Variants in PCSK2 observed in about 807,000 individuals in gnomAD.
PCSK2 encodes the protein proprotein convertase subtilisin/kexin type 2, also known as neuroendocrine convertase 2.
In PCSK2, 14 loss-of-function variants were observed where a neutral mutation model predicts 69.7. The ratio of observed to expected loss-of-function variants is 0.20; its 90% confidence interval spans 0.13 to 0.31. PCSK2 has a LOEUF of 0.31. PCSK2 is among the 10% of genes least tolerant of loss of function. PCSK2 has a pLI of 1.00. For missense variants in PCSK2, 544 were observed against 842.5 expected, an observed-to-expected ratio of 0.65 and a Z score of 4.39; for synonymous variants, 307 against 320.7, an observed-to-expected ratio of 0.96 and a Z score of 0.46.
chr20:17,235,944 T>C (rs1188619697), intron 1 of PCSK2, among the ~76,000 whole-genome samples: 2 of 152,104 alleles, frequency 1.3e-5, no homozygotes, highest in South Asian at 2.1e-4. Context: ...CCTGATAATA[T>C]GAAAAATGTA....
chr20:17,394,373 A>G (rs1311034345), intron 5 of PCSK2, among the ~76,000 whole-genome samples: 4 of 152,164 alleles, frequency 2.6e-5, no homozygotes, highest in Admixed American at 2.0e-4. Flanking sequence ...CCACTTGGAG[A>G]GAACTGGAGG....
intron 7 of PCSK2, 138 bp from the exon 8 acceptor site, chr20:17,436,570 C>A: frequency 1.5e-6 from 1 of 662,088 alleles, no homozygotes; most frequent in East Asian, 2.7e-5. Context: ...TTCTTGATCC[C>A]TGGACTGCAC....
chr20:17,442,703 G>GA (rs2032622060), intron 8 of PCSK2, among the ~76,000 whole-genome samples: 1 of 152,216 alleles, frequency 6.6e-6, no homozygotes, highest in African/African-American at 2.4e-5. Flanking sequence ...GTGCTGTGCT[G>GA]AAATGCTCCC....
chr20:17,347,560 A>T (rs2123184797), intron 2 of PCSK2, among the ~76,000 whole-genome samples: 1 of 152,272 alleles, frequency 6.6e-6, no homozygotes, highest in South Asian at 2.1e-4. Context: ...AGGCAAAGGC[A>T]GAAAAGCTAG....
At chr20:17,389,200 A>G (rs937059219) in intron 5 of PCSK2, among the ~76,000 whole-genome samples, 44 of 151,410 alleles carry the variant, frequency 2.9e-4, no homozygotes, top group African/African-American at 1.1e-3. Context: ...AAATAAGACA[A>G]TCATAAAAAT....
At chr20:17,261,376 C>T (rs576272347) in intron 2 of PCSK2, among the ~76,000 whole-genome samples, 199 of 152,250 alleles carry the variant, frequency 1.3e-3, no homozygotes, top group African/African-American at 4.5e-3. Flanking sequence ...GTGAACATTT[C>T]CCTGGGTTTA....
chr20:17,332,062 A>G (rs1360677337), intron 2 of PCSK2, among the ~76,000 whole-genome samples: 1 of 152,222 alleles, frequency 6.6e-6, no homozygotes, highest in Non-Finnish European at 1.5e-5. Flanking sequence ...TTGTTAACTT[A>G]TTTAATTTCA....
chr20:17,246,676 A>G (rs1034031134), intron 1 of PCSK2, among the ~76,000 whole-genome samples: 7 of 152,042 alleles, frequency 4.6e-5, no homozygotes, highest in Non-Finnish European at 1.0e-4. Context: ...TCCATGGGGG[A>G]CGTGGTCCAA....
Position 17,264,858 on chromosome 20 carries a change from T to C in PCSK2, c.282+4514T>C, listed in dbSNP as rs1371077345. Among the ~76,000 whole-genome samples the C allele has an allele frequency of 4.2e-5, 3 of 72,194 alleles. No homozygotes were observed. The East Asian group carries it at 9.3e-4, about 22-fold the overall frequency. 47.4% of individuals were successfully genotyped at this position (72,194 alleles called of 152,430 possible). ...TTTTGGAAAGTCTATTTTCTTTTCT[T>C]TCTTTCTTTCTTTTTTTTTTCCTGA... On this transcript the variant is annotated intron_variant, in intron 2 of 11. Transcript: ENST00000262545.
At chr20:17,442,775 C>A (rs145094091) in intron 8 of PCSK2, among the ~76,000 whole-genome samples, 9 of 152,262 alleles carry the variant, frequency 5.9e-5, no homozygotes, top group Admixed American at 5.2e-4. Context: ...AAAAATAAAG[C>A]CCTTTTACGC....
At chr20:17,419,310 C>G (rs912658799) in intron 6 of PCSK2, among the ~76,000 whole-genome samples, 5 of 152,188 alleles carry the variant, frequency 3.3e-5, no homozygotes, top group African/African-American at 1.2e-4. Flanking sequence ...CGTATTTATT[C>G]TACTGTGAAC....
intron 2 of PCSK2, among the ~76,000 whole-genome samples, chr20:17,274,657 T>A (rs543808879): frequency 2.6e-5 from 4 of 152,164 alleles, no homozygotes; most frequent in South Asian, 2.1e-4. Flanking sequence ...CAGAAGTGGA[T>A]CTTTTAGCCC....
chr20:17,422,052 T>C (rs1002837265), intron 6 of PCSK2, among the ~76,000 whole-genome samples: 1 of 152,032 alleles, frequency 6.6e-6, no homozygotes, highest in Non-Finnish European at 1.5e-5. Context: ...TAAAGAAAAC[T>C]AAATGATGGT....
At chr20:17,232,173 T>C (rs761239883) in intron 1 of PCSK2, among the ~76,000 whole-genome samples, 2 of 152,204 alleles carry the variant, frequency 1.3e-5, no homozygotes, top group Non-Finnish European at 2.9e-5. Context: ...AAAAGGAAGA[T>C]GATTACATAG....
In PCSK2 at chr20:17,319,408, C is replaced by T. The variant is rs115871054; in HGVS notation, c.283-38919C>T. ...TCAGTAGGAGCCGATTGGTCTTGAACGGCCTCACTCACATTTCTGGTTTTA... is the reference window on the plus strand; with the variant it reads ...TCAGTAGGAGCCGATTGGTCTTGAATGGCCTCACTCACATTTCTGGTTTTA... On this transcript the variant is annotated intron_variant, in intron 2 of 11. Transcript: ENST00000262545. Among the ~76,000 whole-genome samples the T allele has an allele frequency of 1.2e-3, 190 of 152,242 alleles. 1 individual carries two copies. Among genetic ancestry groups the T allele is most frequent in the African/African-American group, 4.4e-3 (182 of 41,548 alleles).
At chr20:17,346,541 C>T (rs1051940856) in intron 2 of PCSK2, among the ~76,000 whole-genome samples, 4 of 152,208 alleles carry the variant, frequency 2.6e-5, no homozygotes, top group African/African-American at 9.6e-5. Flanking sequence ...CTACAATGTG[C>T]ATGGCCAAAG....
At chr20:17,369,341 A>G (rs1252407440) in intron 5 of PCSK2, 64 bp downstream of exon 5, 2 of 1,289,604 alleles carry the variant, frequency 1.6e-6, no homozygotes, top group Non-Finnish European at 2.3e-6. Context: ...GTCCCTGGCT[A>G]TTAGGAACAT....
chr20:17,232,101 G>A (rs149349799), intron 1 of PCSK2, among the ~76,000 whole-genome samples: 23 of 152,266 alleles, frequency 1.5e-4, no homozygotes, highest in Middle Eastern at 3.4e-3. Flanking sequence ...TCACCTTTGC[G>A]TAATCTAATC....
At position 17,456,432 on chromosome 20, in the gene PCSK2, C is replaced by T; in HGVS notation, c.1186C>T (p.Leu396=). The part of the protein sequence containing the change: ...AAPEAAGVFA[L]ALEANLGLTW... ...CCCCGAGGCAGCTGGTGTGTTTGCA[C>T]TGGCTCTGGAGGCTAAGTATGTTCA... Residue 396 remains leucine, a synonymous_variant, in exon 10 of 12, where the codon CTG becomes TTG. Transcript: ENST00000262545. 6.2e-7 allele frequency: 1 copy of T among 1,601,230 alleles called. No homozygotes were observed. The highest frequency in any genetic ancestry group is 2.2e-5 in the East Asian group (1 of 44,838).
Sources: allele counts gnomAD v4.1 joint callset (sites outside exome capture counted in the v4.1 genomes callset), GRCh38; gene constraint gnomAD v4.1.1; transcripts MANE v1.5; gene names NCBI Gene and HGNC (gene_info 2026-07-23, HGNC 2026-07-21).